The following SH3GL2 variants were observed in gnomAD, a reference collection of about 807,000 sequenced individuals.
The protein encoded by SH3GL2 is endophilin-A1.
Under a neutral mutation model 46.0 loss-of-function variants are expected in SH3GL2, and 24 were observed. The observed-to-expected ratio is 0.52, with a 90% CI of 0.38 to 0.73. The LOEUF (loss-of-function observed/expected upper bound fraction) is 0.73, where lower values mean the gene tolerates loss of function less well. SH3GL2 is among the 30% of genes least tolerant of loss of function. The pLI is 0.00. For missense variants in SH3GL2, 413 were observed against 424.2 expected, an observed-to-expected ratio of 0.97 and a Z score of 0.23; for synonymous variants, 196 against 147.1, an observed-to-expected ratio of 1.33 and a Z score of -2.40.
intron 3 of SH3GL2, among the ~76,000 whole-genome samples, chr9:17,783,504 T>G (rs565356194): frequency 6.6e-6 from 1 of 151,908 alleles, no homozygotes; most frequent in Non-Finnish European, 1.5e-5. Context: ...CAGCAGAGCT[T>G]AGATCTCCCT....
intron 1 of SH3GL2, among the ~76,000 whole-genome samples, chr9:17,741,924 G>A (rs998991484): frequency 2.0e-5 from 3 of 152,072 alleles, no homozygotes; most frequent in Non-Finnish European, 4.4e-5. Context: ...GTGTCATCTG[G>A]GTGGGCGTTT....
chr9:17,719,617 C>T (rs1048350054), intron 1 of SH3GL2, among the ~76,000 whole-genome samples: 2 of 151,968 alleles, frequency 1.3e-5, no homozygotes, highest in African/African-American at 4.8e-5. Flanking sequence ...TAACAAGACC[C>T]TGTCTCTACC....
intron 1 of SH3GL2, among the ~76,000 whole-genome samples, chr9:17,672,219 G>A (rs1820492854): frequency 6.6e-6 from 1 of 152,140 alleles, no homozygotes; most frequent in Non-Finnish European, 1.5e-5. Context: ...TATGTAGTGT[G>A]GTTTGGCAAT....
chr9:17,736,828 C>A (rs1822350772), intron 1 of SH3GL2, among the ~76,000 whole-genome samples: 1 of 152,040 alleles, frequency 6.6e-6, no homozygotes, highest in African/African-American at 2.4e-5. Context: ...TGAGCATTGC[C>A]TGTGGTTCCA....
chr9:17,582,559 C>T (rs1375275843), intron 1 of SH3GL2, among the ~76,000 whole-genome samples: 9 of 152,192 alleles, frequency 5.9e-5, no homozygotes, highest in Non-Finnish European at 1.3e-4. Flanking sequence ...AAAATTCACT[C>T]TATCATGCAT....
intron 1 of SH3GL2, among the ~76,000 whole-genome samples, chr9:17,599,490 C>T (rs532816974): frequency 1.8e-4 from 28 of 152,270 alleles, no homozygotes; most frequent in African/African-American, 6.5e-4. Context: ...TATGCAGATT[C>T]CCTTTGATTA....
At chr9:17,635,850 A>C (rs1819529747) in intron 1 of SH3GL2, among the ~76,000 whole-genome samples, 2 of 152,192 alleles carry the variant, frequency 1.3e-5, no homozygotes, top group Non-Finnish European at 2.9e-5. Flanking sequence ...TGAGTATTAC[A>C]GGAAGGTTTG....
At chr9:17,729,631 T>C (rs1171541992) in intron 1 of SH3GL2, among the ~76,000 whole-genome samples, 1 of 152,190 alleles carries the variant, frequency 6.6e-6, no homozygotes, top group Admixed American at 6.5e-5. Flanking sequence ...TTGAATTAAT[T>C]TTTGTATAAG....
chr9:17,617,775 T>C (rs1819038515), intron 1 of SH3GL2, among the ~76,000 whole-genome samples: 1 of 152,198 alleles, frequency 6.6e-6, no homozygotes, highest in Non-Finnish European at 1.5e-5. Context: ...TGTAGCTTGT[T>C]CACCTCTCTG....
intron 1 of SH3GL2, among the ~76,000 whole-genome samples, chr9:17,645,920 T>C (rs28837459): frequency 0.014 from 2,167 of 152,180 alleles, 49 homozygotes; most frequent in African/African-American, 0.049. Flanking sequence ...TGTTGGCCTG[T>C]CTTGCTAGGT....
rs1824125657 is a variant in SH3GL2, at chr9:17,791,387, T to A, written c.728+53T>A. ...TTTGCATTTTATTGCTATAAAATGA[T>A]GTATAAAGAAATGGAAATCATAGAA... On this transcript the variant is annotated intron_variant, in intron 7 of 8. Coordinates refer to ENST00000380607, the MANE Select transcript of SH3GL2 (RefSeq NM_003026.5). 6 of 1,213,810 alleles carry A rather than the reference T, an allele frequency of 4.9e-6. No homozygotes were observed. In the Admixed American group the frequency reaches 1.0e-4, roughly 21 times the overall value. The allele number at this position is 1,213,810 out of a possible 1,614,324, so 75.2% of individuals were successfully genotyped here. A position where few individuals can be genotyped will look rare whatever the true frequency, so the allele number is the denominator to read the frequency against.
chr9:17,727,118 C>T (rs764239669), intron 1 of SH3GL2, among the ~76,000 whole-genome samples: 24 of 152,028 alleles, frequency 1.6e-4, no homozygotes, highest in African/African-American at 5.8e-4. Flanking sequence ...CAGTGGAACA[C>T]GATGCAGCAG....
At chr9:17,608,576 G>A (rs1360408799) in intron 1 of SH3GL2, among the ~76,000 whole-genome samples, 1 of 152,130 alleles carries the variant, frequency 6.6e-6, no homozygotes, top group Non-Finnish European at 1.5e-5. Flanking sequence ...ATGTGTTGAT[G>A]GATTAAACAC....
At chr9:17,791,596 A>C (rs1345575522) in intron 7 of SH3GL2, among the ~76,000 whole-genome samples, 2 of 152,210 alleles carry the variant, frequency 1.3e-5, no homozygotes, top group East Asian at 3.8e-4. Context: ...CCAGGATGCT[A>C]CTGCTGATAA....
chr9:17,661,366 T>C (rs1264569765), intron 1 of SH3GL2, among the ~76,000 whole-genome samples: 1 of 152,032 alleles, frequency 6.6e-6, no homozygotes, highest in African/African-American at 2.4e-5. Flanking sequence ...TGGAGAGACA[T>C]CTTGATAGCA....
At chr9:17,597,925 T>A (rs939626199) in intron 1 of SH3GL2, among the ~76,000 whole-genome samples, 11 of 152,292 alleles carry the variant, frequency 7.2e-5, no homozygotes, top group African/African-American at 2.6e-4. Flanking sequence ...CGCCAGGCTC[T>A]GTGCTGAGTT....
In SH3GL2 at chr9:17,634,371, C is replaced by G. The variant is rs146106926; in HGVS notation, c.45+55084C>G. Among the ~76,000 whole-genome samples the G allele has an allele frequency of 7.5e-3, 1,137 of 152,020 alleles. 15 individuals are homozygous for G. The highest frequency in any genetic ancestry group is 0.026 in the African/African-American group (1,097 of 41,514). ...TCACAAAGAAGAGACTAGAAATAAC[C>G]CAAACTCCACAACAGGTTTTGCTTT... is the stretch of plus-strand genomic sequence containing the variant. On this transcript the variant is annotated intron_variant, in intron 1 of 8. Coordinates refer to ENST00000380607, the MANE Select transcript of SH3GL2 (RefSeq NM_003026.5).
intron 1 of SH3GL2, among the ~76,000 whole-genome samples, chr9:17,613,922 C>T (rs762936256): frequency 3.3e-5 from 5 of 152,134 alleles, no homozygotes; most frequent in Admixed American, 6.5e-5. Context: ...TGGCAAGCTG[C>T]CTGGTAAATC....
At chr9:17,651,452 G>A (rs1490257961) in intron 1 of SH3GL2, among the ~76,000 whole-genome samples, 1 of 152,082 alleles carries the variant, frequency 6.6e-6, no homozygotes, top group East Asian at 1.9e-4. Flanking sequence ...AAGATGTATT[G>A]TTTTTGTTGC....
Sources: gnomAD v4.1 joint callset for allele counts (sites outside exome capture counted in the v4.1 genomes callset) on GRCh38, gnomAD v4.1.1 for gene constraint, MANE v1.5 for transcripts, NCBI Gene and HGNC (gene_info 2026-07-23, HGNC 2026-07-21) for gene names.